ST8SIA2: variants seen among roughly 807,000 people sequenced by gnomAD.
The protein encoded by ST8SIA2 is alpha-2,8-sialyltransferase 8B.
In ST8SIA2, 22 loss-of-function variants were observed where a neutral mutation model predicts 37.6. The observed-to-expected ratio is 0.58, with a 90% CI of 0.42 to 0.83. The LOEUF (loss-of-function observed/expected upper bound fraction) is 0.83, where lower values mean the gene tolerates loss of function less well. ST8SIA2 is among the 40% of genes least tolerant of loss of function. The pLI is 0.00. For missense variants in ST8SIA2, 382 were observed against 484.7 expected (o/e 0.79, Z 1.99); for synonymous variants, 205 against 201.2 (o/e 1.02, Z -0.16).
chr15:92,436,584 C>T (rs1359547803), intron 3 of ST8SIA2, among the ~76,000 whole-genome samples: 1 of 152,138 alleles, frequency 6.6e-6, no homozygotes, highest in Non-Finnish European at 1.5e-5. Flanking sequence ...TATTTATGGG[C>T]TTTCTAGGGG....
chr15:92,418,999 C>T (rs998390073), intron 1 of ST8SIA2, among the ~76,000 whole-genome samples: 1 of 152,130 alleles, frequency 6.6e-6, no homozygotes, highest in Non-Finnish European at 1.5e-5. Flanking sequence ...CAGCATGTTT[C>T]CTCCAGGGGG....
chr15:92,396,058 T>C (rs954142311), intron 1 of ST8SIA2, among the ~76,000 whole-genome samples: 1 of 152,224 alleles, frequency 6.6e-6, no homozygotes, highest in Admixed American at 6.5e-5. Flanking sequence ...CCCCGGGGAC[T>C]TGTCTCACTT....
intron 2 of ST8SIA2, among the ~76,000 whole-genome samples, chr15:92,433,962 T>C (rs1422703311): frequency 1.3e-5 from 2 of 151,958 alleles, no homozygotes; most frequent in African/African-American, 4.8e-5. Flanking sequence ...TGACAGTGAC[T>C]GCCAGGTTTT....
At chr15:92,427,017 C>G (rs1258728560) in intron 1 of ST8SIA2, among the ~76,000 whole-genome samples, 1 of 152,136 alleles carries the variant, frequency 6.6e-6, no homozygotes, top group East Asian at 1.9e-4. Context: ...TTGCTTGAAC[C>G]CAGGAGGTGG....
chr15:92,445,045 T>G, intron 5 of ST8SIA2, 116 bp downstream of exon 5: 1 of 1,472,964 alleles, frequency 6.8e-7, no homozygotes, highest in Non-Finnish European at 9.3e-7. Context: ...ATTTGCTGGA[T>G]GGCCTCAGCA....
intron 5 of ST8SIA2, among the ~76,000 whole-genome samples, chr15:92,446,144 A>T (rs1480384641): frequency 6.6e-6 from 1 of 152,218 alleles, no homozygotes; most frequent in Non-Finnish European, 1.5e-5. Context: ...TTCTTAGGTC[A>T]GGTGCAGTCA....
chr15:92,395,602 A>G (rs956766610), intron 1 of ST8SIA2, among the ~76,000 whole-genome samples: 1 of 151,998 alleles, frequency 6.6e-6, no homozygotes, highest in East Asian at 1.9e-4. Context: ...TTAATACACA[A>G]CGTGCCACCA....
At chr15:92,394,294 T>C (rs2049413104) in intron 1 of ST8SIA2, 132 bp downstream of exon 1, 1 of 876,940 alleles carries the variant, frequency 1.1e-6, no homozygotes, top group East Asian at 2.9e-5. Flanking sequence ...TGGGGACGGT[T>C]TGGCAGAAGG....
At chr15:92,458,326 A>G (rs766710192) in intron 5 of ST8SIA2, among the ~76,000 whole-genome samples, 1 of 152,176 alleles carries the variant, frequency 6.6e-6, no homozygotes, top group Non-Finnish European at 1.5e-5. Context: ...ACCAACCAAG[A>G]AAGTACACAT....
intron 1 of ST8SIA2, among the ~76,000 whole-genome samples, chr15:92,410,577 C>T (rs960109995): frequency 1.3e-5 from 2 of 152,130 alleles, no homozygotes; most frequent in East Asian, 1.9e-4. Context: ...GTGCACGTAA[C>T]GGGATGTAGA....
At chr15:92,450,901 C>A (rs1567223177) in intron 5 of ST8SIA2, among the ~76,000 whole-genome samples, 1 of 152,146 alleles carries the variant, frequency 6.6e-6, no homozygotes, top group Non-Finnish European at 1.5e-5. Context: ...AAATAGGAAC[C>A]CTTCTGCTTT....
chr15:92,460,162 ACTT>A (rs1451000831), intron 5 of ST8SIA2, among the ~76,000 whole-genome samples: 11 of 152,192 alleles, frequency 7.2e-5, no homozygotes, highest in Non-Finnish European at 1.0e-4. Flanking sequence ...TATTCCTGAC[ACTT>A]CTTCTTTTTC....
chr15:92,448,079 C>T (rs770088978), intron 5 of ST8SIA2, among the ~76,000 whole-genome samples: 1 of 152,178 alleles, frequency 6.6e-6, no homozygotes, highest in Non-Finnish European at 1.5e-5. Context: ...CCAGCTATAA[C>T]TGACTCACTT....
chr15:92,420,899 G>A (rs1038738435), intron 1 of ST8SIA2: 1 of 152,190 alleles, frequency 6.6e-6, no homozygotes, highest in African/African-American at 2.4e-5. Context: ...TGCTGTATAG[G>A]AAAAGTATCT....
intron 5 of ST8SIA2, among the ~76,000 whole-genome samples, chr15:92,450,236 T>G (rs931129414): frequency 2.0e-5 from 3 of 152,212 alleles, no homozygotes; most frequent in Non-Finnish European, 4.4e-5. Context: ...GAAGAACTCT[T>G]ACAGCTCAAC....
chr15:92,404,365 T>A (rs2049492290), intron 1 of ST8SIA2, among the ~76,000 whole-genome samples: 1 of 152,160 alleles, frequency 6.6e-6, no homozygotes, highest in Non-Finnish European at 1.5e-5. Flanking sequence ...ATGGGGTTAA[T>A]GATACCCAAC....
Position 92,464,426 on chromosome 15 carries a change from C to T in ST8SIA2, c.*41C>T. 6.2e-7 allele frequency: 1 copy of T among 1,610,168 alleles called. No homozygotes were observed. On this transcript the variant is annotated 3_prime_UTR_variant, in exon 6 of 6. Coordinates refer to ENST00000268164, the MANE Select transcript of ST8SIA2 (RefSeq NM_006011.4). ...GGACTCAGTGGCTCACATTTCCTGC[C>T]AGCTACACCACAGGCAGATGGGAGT...
intron 5 of ST8SIA2, among the ~76,000 whole-genome samples, chr15:92,461,577 A>G (rs2049958062): frequency 6.6e-6 from 1 of 152,214 alleles, no homozygotes; most frequent in African/African-American, 2.4e-5. Flanking sequence ...AAAAGCTCAA[A>G]GGAATCTCAA....
rs1347740854 is a variant in ST8SIA2, at chr15:92,444,763, C to A, written c.676C>A (p.Leu226Met). Residue 226 changes from leucine (L) to methionine (M), a missense_variant, in exon 5 of 6, where the codon CTG becomes ATG. Transcript: ENST00000268164. The part of the protein sequence containing the change: ...DLVNATWREK[L>M]LQRLHSLNGS... ...GGTCAATGCCACGTGGCGGGAGAAG[C>A]TGCTGCAACGGCTGCACAGCCTCAA... The A allele has an allele frequency of 1.2e-6, 2 of 1,614,166 alleles. No individual in the cohort carries two copies. The highest frequency in any genetic ancestry group is 1.1e-5 in the South Asian group (1 of 91,088).
Sources: gnomAD v4.1 joint callset for allele counts (sites outside exome capture counted in the v4.1 genomes callset) on GRCh38, gnomAD v4.1.1 for gene constraint, MANE v1.5 for transcripts, NCBI Gene and HGNC (gene_info 2026-07-23, HGNC 2026-07-21) for gene names.